Variants in RNF168 observed in about 807,000 individuals in gnomAD.
RNF168 encodes the protein E3 ubiquitin-protein ligase RNF168.
A neutral mutation model predicts 34.9 loss-of-function variants in RNF168; 34 were observed. That is an observed-to-expected ratio of 0.97 (90% CI 0.74 to 1.30). The LOEUF (loss-of-function observed/expected upper bound fraction) is 1.30, where lower values mean the gene tolerates loss of function less well. RNF168 is among the 50% of genes most tolerant of loss of function. The pLI, the probability that RNF168 is intolerant of heterozygous loss-of-function variation, is 0.00. For synonymous variants in RNF168, 264 were observed against 254.7 expected (o/e 1.04, Z -0.35); for missense variants, 725 against 682.5 (o/e 1.06, Z -0.69).
chr3:196,486,226 A>G lies in RNF168; in HGVS notation c.558+1173T>C, dbSNP rs1259495323. Among the ~76,000 whole-genome samples the G allele has an allele frequency of 4.5e-4, 69 of 152,364 alleles. 2 individuals carry two copies. The highest frequency in any genetic ancestry group is 4.5e-3 in the Admixed American group (69 of 15,294). On this transcript the variant is annotated intron_variant, in intron 3 of 5. Coordinates refer to ENST00000318037, the MANE Select transcript of RNF168 (RefSeq NM_152617.4). Reference sequence around the variant, plus strand: ...AAATGGAATATTATTCCACTCTTTAAAAGAATTAGATTGACTACATGTAGT... The same window carrying G: ...AAATGGAATATTATTCCACTCTTTAGAAGAATTAGATTGACTACATGTAGT...
At chr3:196,473,033 G>A (rs1377951640) in intron 5 of RNF168, among the ~76,000 whole-genome samples, 1 of 151,790 alleles carries the variant, frequency 6.6e-6, no homozygotes, top group Non-Finnish European at 1.5e-5. Context: ...TCCCAAATAG[G>A]TGTATATTTA....
At position 196,503,383 on chromosome 3, in the gene RNF168, C is replaced by G; in HGVS notation, c.-210G>C. ...CAAACAGGAATACCCCGGAGGGCGG[C>G]GTCTTTGTCCATTTTCAAGGCAAAC... On this transcript the variant is annotated 5_prime_UTR_variant, in exon 1 of 6. Transcript: ENST00000318037. 1.7e-6 allele frequency: 1 copy of G among 591,618 alleles called. No homozygotes were observed. Among genetic ancestry groups the G allele is most frequent in the South Asian group, 2.0e-5 (1 of 50,544 alleles). The allele number at this position is 591,618 out of a possible 1,614,324, so 36.6% of individuals were successfully genotyped here. A position where few individuals can be genotyped will look rare whatever the true frequency, so the allele number is the denominator to read the frequency against.
At chr3:196,497,102 C>T (rs370686480) in intron 1 of RNF168, among the ~76,000 whole-genome samples, 1 of 151,790 alleles carries the variant, frequency 6.6e-6, no homozygotes, top group Middle Eastern at 3.2e-3. Flanking sequence ...GCTGAGATCA[C>T]GCCACTGCAC....
At chr3:196,493,024 T>C (rs1264554936) in intron 1 of RNF168, among the ~76,000 whole-genome samples, 1 of 152,032 alleles carries the variant, frequency 6.6e-6, no homozygotes, top group Non-Finnish European at 1.5e-5. Context: ...ACATATGAGA[T>C]AAATTCCAAA....
chr3:196,488,354 C>A (rs1013215137), intron 2 of RNF168, among the ~76,000 whole-genome samples: 1 of 151,326 alleles, frequency 6.6e-6, no homozygotes, highest in Non-Finnish European at 1.5e-5. Context: ...TAGTGGCGGG[C>A]GCCTGTAGTC....
chr3:196,489,975 A>G (rs1301191873), intron 1 of RNF168, among the ~76,000 whole-genome samples: 2 of 152,236 alleles, frequency 1.3e-5, no homozygotes, highest in Non-Finnish European at 2.9e-5. Flanking sequence ...GGTGACCCAG[A>G]GCAAAGTCCT....
intron 1 of RNF168, among the ~76,000 whole-genome samples, chr3:196,501,927 C>G (rs1385666640): frequency 1.3e-5 from 2 of 151,734 alleles, no homozygotes; most frequent in Non-Finnish European, 2.9e-5. Context: ...GTATGGTCTG[C>G]GAGCATTTGA....
intron 1 of RNF168, among the ~76,000 whole-genome samples, chr3:196,494,114 C>T (rs1303189195): frequency 6.6e-6 from 1 of 152,002 alleles, no homozygotes; most frequent in African/African-American, 2.4e-5. Flanking sequence ...CTCTCAAGTA[C>T]TGAGATTACA....
chr3:196,486,874 G>A (rs1036738814), intron 3 of RNF168, among the ~76,000 whole-genome samples: 1 of 152,204 alleles, frequency 6.6e-6, no homozygotes, highest in Non-Finnish European at 1.5e-5. Flanking sequence ...CTCGACACCA[G>A]TTCAGGAAAC....
intron 1 of RNF168, among the ~76,000 whole-genome samples, chr3:196,496,761 C>G (rs189834270): frequency 6.6e-6 from 1 of 152,168 alleles, no homozygotes; most frequent in Non-Finnish European, 1.5e-5. Context: ...TCCAGCACTT[C>G]AGGAGGCTGA....
chr3:196,500,347 C>T (rs753602672), intron 1 of RNF168, among the ~76,000 whole-genome samples: 5 of 152,180 alleles, frequency 3.3e-5, no homozygotes, highest in Non-Finnish European at 7.3e-5. Flanking sequence ...AATGCTGTCA[C>T]ATGCAGTATG....
Position 196,472,643 on chromosome 3 carries a change from T to A in RNF168, c.892A>T (p.Met298Leu). ...GCACCACAGGCACATAACCATGGCA[T>A]AGGGGACTCTATTGAAGAATCTGCA... is the stretch of plus-strand genomic sequence containing the variant. ...QGADSSIESP[M>L]PWLCACGAEW... is the part of the protein sequence containing the mutation. Residue 298 changes from methionine (M) to leucine (L), a missense_variant, in exon 6 of 6, where the codon ATG becomes TTG. Coordinates refer to ENST00000318037, the MANE Select transcript of RNF168 (RefSeq NM_152617.4). 1.2e-6 allele frequency: 2 copies of A among 1,612,190 alleles called. No individual in the cohort carries two copies. The highest frequency in any genetic ancestry group is 3.3e-4 in the Middle Eastern group (2 of 6,056).
rs574085803 is a variant in RNF168 at position 196,471,170 on chromosome 3, T to C, written c.*649A>G. The stretch of plus-strand genomic sequence containing the variant: ...GAGATCGCGCCATTGCACACCAGCC[T>C]GCGTGACAGAGCAAGACTCTGTCTC... On this transcript the variant is annotated 3_prime_UTR_variant, in exon 6 of 6. Coordinates refer to ENST00000318037, the MANE Select transcript of RNF168 (RefSeq NM_152617.4). The C allele has an allele frequency of 6.3e-5, 7 of 110,834 alleles. No homozygotes were observed. Among genetic ancestry groups the C allele is most frequent in the African/African-American group, 2.4e-4 (7 of 28,708 alleles). The allele number at this position is 110,834 out of a possible 1,614,324, so 6.9% of individuals were successfully genotyped here. A position where few individuals can be genotyped will look rare whatever the true frequency, so the allele number is the denominator to read the frequency against.
chr3:196,478,829 G>A (rs1282400706), intron 4 of RNF168, among the ~76,000 whole-genome samples: 2 of 147,564 alleles, frequency 1.4e-5, no homozygotes, highest in Non-Finnish European at 3.0e-5. Context: ...ACCATGCCCA[G>A]CGAATTTTTG....
In RNF168 at chr3:196,475,213, T is replaced by C. The variant is rs1439699981; in HGVS notation, c.762+18A>G. ...TAATGAACCAGCAAAACTCAGAACA[T>C]CTTCAGTATCAACATACCTTAGATA... On this transcript the variant is annotated intron_variant, in intron 5 of 5. Coordinates refer to ENST00000318037, the MANE Select transcript of RNF168 (RefSeq NM_152617.4). 1.6e-5 allele frequency: 22 copies of C among 1,403,524 alleles called. No homozygotes were observed. Among genetic ancestry groups the C allele is most frequent in the Non-Finnish European group, 2.1e-5 (21 of 987,762 alleles). 86.9% of individuals were successfully genotyped at this position (1,403,524 alleles called of 1,614,324 possible). A position where few individuals can be genotyped will look rare whatever the true frequency, so the allele number is the denominator to read the frequency against.
intron 5 of RNF168, among the ~76,000 whole-genome samples, chr3:196,474,525 G>A (rs547261979): frequency 6.8e-6 from 1 of 147,136 alleles, no homozygotes; most frequent in South Asian, 2.1e-4. Flanking sequence ...TCAGCTCACC[G>A]CAACCTCTAC....
chr3:196,475,166 G>A, intron 5 of RNF168, 65 bp downstream of exon 5: 1 of 903,006 alleles, frequency 1.1e-6, no homozygotes, highest in Non-Finnish European at 1.9e-6. Flanking sequence ...AGAAAACTAT[G>A]GATAGCACTA....
chr3:196,487,757 C>T (rs1356032218), intron 2 of RNF168, among the ~76,000 whole-genome samples, 179 bp from the exon 3 acceptor site: 1 of 152,084 alleles, frequency 6.6e-6, no homozygotes, highest in African/African-American at 2.4e-5. Context: ...TCTCAGCCTC[C>T]CAAAGCACTG....
At chr3:196,476,299 G>A (rs1362802116) in intron 4 of RNF168, among the ~76,000 whole-genome samples, 2 of 152,116 alleles carry the variant, frequency 1.3e-5, no homozygotes, top group Admixed American at 6.6e-5. Flanking sequence ...TCTTTATGCT[G>A]GAAATGTTGG....
Sources: gnomAD v4.1 joint callset for allele counts (sites outside exome capture counted in the v4.1 genomes callset) on GRCh38, gnomAD v4.1.1 for gene constraint, MANE v1.5 for transcripts, NCBI Gene and HGNC (gene_info 2026-07-23, HGNC 2026-07-21) for gene names.